The following CPN1 variants were observed in gnomAD, a reference collection of about 807,000 sequenced individuals.
CPN1 encodes the protein carboxypeptidase N catalytic chain.
In CPN1, 37 loss-of-function variants were observed where a neutral mutation model predicts 46.4. The ratio of observed to expected loss-of-function variants is 0.80; its 90% CI spans 0.61 to 1.05. The LOEUF (loss-of-function observed/expected upper bound fraction) is 1.05. Ranked by LOEUF, CPN1 falls within the 50% of genes least tolerant of loss-of-function variation. The probability of loss-of-function intolerance (pLI) is 0.00; values close to 1 mark genes in which losing one functional copy is unlikely to be tolerated. For missense variants in CPN1, 563 were observed against 602.6 expected (o/e 0.93, Z 0.69); for synonymous variants, 224 against 235.4 (o/e 0.95, Z 0.44).
intron 6 of CPN1, 54 bp from the exon 7 acceptor site, chr10:100,054,500 G>C: frequency 7.2e-7 from 1 of 1,396,050 alleles, no homozygotes; most frequent in Non-Finnish European, 1.0e-6. Flanking sequence ...CATTTGTACA[G>C]TGTTTTAGAG....
chr10:100,042,306 T>G lies in CPN1; in HGVS notation c.*121A>C. 7.4e-7 allele frequency: 1 copy of G among 1,347,426 alleles called. No individual in the cohort carries two copies. The highest frequency in any genetic ancestry group is 1.1e-6 in the Non-Finnish European group (1 of 948,216). 83.5% of individuals were successfully genotyped at this position (1,347,426 alleles called of 1,614,324 possible). On this transcript the variant is annotated 3_prime_UTR_variant, in exon 9 of 9. Coordinates refer to ENST00000370418, the MANE Select transcript of CPN1 (RefSeq NM_001308.3). ...CCCCTGGAACAGATGGAGACCATTC[T>G]GAATTGTTCTGAATATGTTTGTATT...
intron 7 of CPN1, among the ~76,000 whole-genome samples, chr10:100,049,258 CTTT>C (rs570040770): frequency 2.9e-5 from 4 of 137,694 alleles, no homozygotes; most frequent in African/African-American, 2.7e-5. Context: ...AGCCCGTTGG[CTTT>C]TTTTTTTTTT....
At chr10:100,047,589 C>G (rs750808818) in intron 8 of CPN1, among the ~76,000 whole-genome samples, 11 of 152,166 alleles carry the variant, frequency 7.2e-5, no homozygotes, top group Admixed American at 1.3e-4. Context: ...TTTGTTGAAC[C>G]TACACATAAA....
At chr10:100,068,238 G>GTTTTTTT in intron 3 of CPN1, among the ~76,000 whole-genome samples, 1 of 145,666 alleles carries the variant, frequency 6.9e-6, no homozygotes. Context: ...TTTTGAGACG[G>GTTTTTTT]AGTCTCGCTC....
Position 100,044,535 on chromosome 10 carries a change from C to T in CPN1, c.1231-1962G>A, listed in dbSNP as rs1368257543. 4.0e-5 allele frequency among the ~76,000 whole-genome samples: 6 copies of T among 151,572 alleles called. No homozygotes were observed. The East Asian group carries it at 9.7e-4, about 25-fold the overall frequency. ...CACTACATGTGCATGACACCATGCCCGGCTAATTTTTGAACTGTTTTGTAG... is the reference window on the plus strand; with the variant it reads ...CACTACATGTGCATGACACCATGCCTGGCTAATTTTTGAACTGTTTTGTAG... On this transcript the variant is annotated intron_variant, in intron 8 of 8. Transcript: ENST00000370418.
At chr10:100,057,575 G>A (rs997500663) in intron 5 of CPN1, among the ~76,000 whole-genome samples, 1 of 152,160 alleles carries the variant, frequency 6.6e-6, no homozygotes, top group African/African-American at 2.4e-5. Flanking sequence ...TTTGGAGGTT[G>A]GGACCAGTAA....
At chr10:100,042,628 G>A (rs1010447383) in intron 8 of CPN1, 55 bp from the exon 9 acceptor site, 1 of 1,610,046 alleles carries the variant, frequency 6.2e-7, no homozygotes, top group Non-Finnish European at 8.5e-7. Flanking sequence ...TTTTGCCATA[G>A]TTCCAGTTTC....
intron 2 of CPN1, 34 bp downstream of exon 2, chr10:100,075,877 G>C: frequency 6.2e-7 from 1 of 1,608,786 alleles, no homozygotes; most frequent in Non-Finnish European, 8.5e-7. Flanking sequence ...AGAAGGCCTT[G>C]ATCTCTCCCC....
chr10:100,055,195 G>A (rs543653230), intron 6 of CPN1, among the ~76,000 whole-genome samples: 2 of 151,614 alleles, frequency 1.3e-5, no homozygotes, highest in East Asian at 3.9e-4. Flanking sequence ...CTTAGATCAC[G>A]CCACTGCACT....
chr10:100,043,667 TC>T (rs201483978), intron 8 of CPN1, among the ~76,000 whole-genome samples: 16,136 of 149,446 alleles, frequency 0.11, 1,177 homozygotes, highest in African/African-American at 0.2. Context: ...ATTTTACTTT[TC>T]TTTTTTTTTT....
chr10:100,050,849 C>G (rs759784721), intron 7 of CPN1, among the ~76,000 whole-genome samples: 1 of 152,186 alleles, frequency 6.6e-6, no homozygotes, highest in Non-Finnish European at 1.5e-5. Context: ...CCAGCATGGT[C>G]TTGAACTCTT....
chr10:100,053,178 A>G (rs2041365477), intron 7 of CPN1, among the ~76,000 whole-genome samples: 6 of 152,212 alleles, frequency 3.9e-5, no homozygotes, highest in Admixed American at 3.3e-4. Context: ...GCCTTTAGAC[A>G]TTACCTTTGC....
At chr10:100,044,747 G>C (rs2041298293) in intron 8 of CPN1, among the ~76,000 whole-genome samples, 1 of 148,524 alleles carries the variant, frequency 6.7e-6, no homozygotes, top group Non-Finnish European at 1.5e-5. Flanking sequence ...GTCTTGCTCT[G>C]TCACCCAGGC....
intron 8 of CPN1, among the ~76,000 whole-genome samples, chr10:100,046,360 G>A (rs564265119): frequency 2.0e-4 from 30 of 152,136 alleles, no homozygotes; most frequent in Non-Finnish European, 3.5e-4. Context: ...TAATCCCAGT[G>A]CTTTGGAAGG....
chr10:100,045,170 G>A (rs1005583231), intron 8 of CPN1, among the ~76,000 whole-genome samples: 1 of 152,166 alleles, frequency 6.6e-6, no homozygotes, highest in African/African-American at 2.4e-5. Context: ...GAGTATATTT[G>A]ACATAATGAT....
intron 5 of CPN1, among the ~76,000 whole-genome samples, chr10:100,058,289 A>G (rs1290030712): frequency 6.6e-6 from 1 of 152,068 alleles, no homozygotes; most frequent in African/African-American, 2.4e-5. Flanking sequence ...AAAAGAATAG[A>G]TTTTTCTCCT....
intron 8 of CPN1, 121 bp from the exon 9 acceptor site, chr10:100,042,694 G>T: frequency 8.0e-7 from 1 of 1,252,432 alleles, no homozygotes; most frequent in Non-Finnish European, 1.1e-6. Context: ...AAGCACTGGT[G>T]GTGTCATATA....
intron 5 of CPN1, among the ~76,000 whole-genome samples, chr10:100,062,753 C>T (rs1402884490): frequency 1.4e-5 from 2 of 146,746 alleles, no homozygotes; most frequent in Non-Finnish European, 3.0e-5. Context: ...ACCACCATGC[C>T]CACCTAATTT....
Position 100,060,270 on chromosome 10 carries a change from A to T in CPN1, c.872-3118T>A, listed in dbSNP as rs564909000. 2.6e-5 allele frequency among the ~76,000 whole-genome samples: 4 copies of T among 152,324 alleles called. No individual in the cohort carries two copies. In the South Asian group the frequency reaches 8.3e-4, roughly 32 times the overall value. On this transcript the variant is annotated intron_variant, in intron 5 of 8. Coordinates refer to ENST00000370418, the MANE Select transcript of CPN1 (RefSeq NM_001308.3). ...TTTATGTTATGTATATTTTACCACA[A>T]TAAAAATGAAGCTGGGCATGGTGGC...
Sources: gnomAD v4.1 joint callset for allele counts (sites outside exome capture counted in the v4.1 genomes callset) on GRCh38, gnomAD v4.1.1 for gene constraint, MANE v1.5 for transcripts, NCBI Gene and HGNC (gene_info 2026-07-23, HGNC 2026-07-21) for gene names.